The following STAMBP variants were observed in gnomAD, a reference collection of about 807,000 sequenced individuals.
The protein encoded by STAMBP is STAM-binding protein.
A neutral mutation model predicts 50.7 loss-of-function variants in STAMBP; 31 were observed. That is an observed-to-expected ratio of 0.61 (90% CI 0.46 to 0.83). The LOEUF (loss-of-function observed/expected upper bound fraction) is 0.83. Ranked by LOEUF, STAMBP falls within the 40% of genes least tolerant of loss-of-function variation. The pLI is 0.00. For missense variants in STAMBP, 472 were observed against 518.9 expected (o/e 0.91, Z 0.88); for synonymous variants, 211 against 192.4 (o/e 1.10, Z -0.80).
intron 3 of STAMBP, 61 bp downstream of exon 3, chr2:73,844,949 A>T: frequency 6.3e-7 from 1 of 1,583,924 alleles, no homozygotes; most frequent in East Asian, 2.3e-5. Flanking sequence ...GACTGACTTC[A>T]AGATAAAAGT....
At chr2:73,849,856 C>T (rs897802356) in intron 6 of STAMBP, among the ~76,000 whole-genome samples, 3 of 152,144 alleles carry the variant, frequency 2.0e-5, no homozygotes, top group African/African-American at 4.8e-5. Flanking sequence ...GGCAGACATG[C>T]ACTAAAGTCT....
chr2:73,854,550 A>G (rs2104609291), intron 7 of STAMBP, among the ~76,000 whole-genome samples: 1 of 152,318 alleles, frequency 6.6e-6, no homozygotes, highest in South Asian at 2.1e-4. Flanking sequence ...ATCATACTGC[A>G]CTACAGCCTT....
At chr2:73,834,355 A>G (rs928023458) in intron 2 of STAMBP, among the ~76,000 whole-genome samples, 2 of 144,366 alleles carry the variant, frequency 1.4e-5, no homozygotes, top group Middle Eastern at 3.6e-3. Flanking sequence ...TATTGATAAC[A>G]TGGTCAGTTA....
intron 7 of STAMBP, among the ~76,000 whole-genome samples, chr2:73,856,855 T>A (rs1677613222): frequency 6.6e-6 from 1 of 152,208 alleles, no homozygotes; most frequent in African/African-American, 2.4e-5. Flanking sequence ...GGTATGTGCC[T>A]GAAGGAGGTC....
downstream of STAMBP, among the ~76,000 whole-genome samples, chr2:73,871,325 C>T (rs989385492): frequency 2.6e-5 from 4 of 151,906 alleles, no homozygotes; most frequent in African/African-American, 9.7e-5. Flanking sequence ...GGGTGGATCA[C>T]CAGAGATCAG....
In STAMBP at chr2:73,831,066, C is replaced by T; in HGVS notation, c.203+7C>T. The stretch of plus-strand genomic sequence containing the variant: ...TCTATAACAAGTATATCACGTAAGA[C>T]ACCTACAGTTTCCTTTTTCCTTTCT... On this transcript the variant is annotated splice_region_variant and intron_variant, in intron 2 of 9. Coordinates refer to ENST00000394070, the MANE Select transcript of STAMBP (RefSeq NM_213622.4). 1 of 1,612,462 alleles carries T rather than the reference C, an allele frequency of 6.2e-7. No individual in the cohort carries two copies. Among genetic ancestry groups the T allele is most frequent in the Non-Finnish European group, 8.5e-7 (1 of 1,178,454 alleles).
In STAMBP at chr2:73,862,359, T is replaced by A; in HGVS notation, c.*100T>A. ...AGAAAGCTTTGGAAGTTTTTGTAGA[T>A]AGTAGAAAGGGGGGCATCACCTGAG... is the stretch of plus-strand genomic sequence containing the variant. On this transcript the variant is annotated 3_prime_UTR_variant, in exon 10 of 10. Coordinates refer to ENST00000394070, the MANE Select transcript of STAMBP (RefSeq NM_213622.4). 1 of 1,015,978 alleles carries A rather than the reference T, an allele frequency of 9.8e-7. No homozygotes were observed. Among genetic ancestry groups the A allele is most frequent in the Non-Finnish European group, 1.4e-6 (1 of 712,580 alleles). The allele number at this position is 1,015,978 out of a possible 1,614,324, so 62.9% of individuals were successfully genotyped here. A position where few individuals can be genotyped will look rare whatever the true frequency, so the allele number is the denominator to read the frequency against.
At chr2:73,856,225 C>T (rs1231065438) in intron 7 of STAMBP, among the ~76,000 whole-genome samples, 2 of 152,234 alleles carry the variant, frequency 1.3e-5, no homozygotes, top group East Asian at 3.8e-4. Flanking sequence ...AACTGAAATT[C>T]AAGTATTCCC....
chr2:73,849,270 C>T, intron 5 of STAMBP, 93 bp from the exon 6 acceptor site: 1 of 1,592,504 alleles, frequency 6.3e-7, no homozygotes, highest in Non-Finnish European at 8.6e-7. Context: ...ATCCCAGTGG[C>T]TTAATGTTGC....
In STAMBP at chr2:73,866,179, C is replaced by G. The variant is rs1678871705; in HGVS notation, c.*3920C>G. ...TTTGAGATTAGAAGCTGGGCCTTAACTTACAGGTGTGTCCGGCATCATTCA... is the reference window on the plus strand; with the variant it reads ...TTTGAGATTAGAAGCTGGGCCTTAAGTTACAGGTGTGTCCGGCATCATTCA... On this transcript the variant is annotated 3_prime_UTR_variant, in exon 10 of 10. Coordinates refer to ENST00000394070, the MANE Select transcript of STAMBP (RefSeq NM_213622.4). 6.6e-6 allele frequency: 1 copy of G among 152,232 alleles called. No homozygotes were observed. Among genetic ancestry groups the G allele is most frequent in the Non-Finnish European group, 1.5e-5 (1 of 68,064 alleles). 9.4% of individuals were successfully genotyped at this position (152,232 alleles called of 1,614,324 possible).
At chr2:73,860,519 A>G (rs1208954541) in intron 9 of STAMBP, 22 of 991,754 alleles carry the variant, frequency 2.2e-5, no homozygotes, top group Non-Finnish European at 2.5e-5. Context: ...CCTTTCATCA[A>G]TGTCTCTTTC....
At position 73,829,126 on chromosome 2, in the gene STAMBP, C is replaced by G. The variant is rs980515161; in HGVS notation, c.-397C>G. 1 of 152,330 alleles carries G rather than the reference C, an allele frequency of 6.6e-6. No individual in the cohort carries two copies. The highest frequency in any genetic ancestry group is 2.4e-5 in the African/African-American group (1 of 41,462). 9.4% of individuals were successfully genotyped at this position (152,330 alleles called of 1,614,324 possible). On this transcript the variant is annotated 5_prime_UTR_variant, in exon 1 of 10. Coordinates refer to ENST00000394070, the MANE Select transcript of STAMBP (RefSeq NM_213622.4). ...CGAGTCCCCTGCCCGGCCTGCCTCG[C>G]TCGAGGCACCCGACGGCTTCTGTCT... is the stretch of plus-strand genomic sequence containing the variant.
Position 73,835,369 on chromosome 2 carries a change from AAAG to A in STAMBP, c.203+4312_203+4314del, listed in dbSNP as rs1286220683. On this transcript the variant is annotated intron_variant, in intron 2 of 9. Coordinates refer to ENST00000394070, the MANE Select transcript of STAMBP (RefSeq NM_213622.4). ...ACTCGGTCTCAAAAAAAAAAAAAAA[AAAG>A]AGATGTCACTAATGTTGCCCAGGCT... Among the ~76,000 whole-genome samples, 6 of 151,904 alleles carry A rather than the reference AAAG, an allele frequency of 3.9e-5. No homozygotes were observed. The East Asian group carries it at 5.8e-4, about 15-fold the overall frequency.
In STAMBP at chr2:73,847,525, C is replaced by G; in HGVS notation, c.514C>G (p.Gln172Glu). 2 of 1,614,126 alleles carry G rather than the reference C, an allele frequency of 1.2e-6. No homozygotes were observed. The highest frequency in any genetic ancestry group is 1.7e-6 in the Non-Finnish European group (2 of 1,180,024). Reference sequence around the variant, plus strand: ...TGCCTTCGAGGAGATGATCCGGAACCAGGAGCTAGAAAAAGAGCGACTGAA... The same window carrying G: ...TGCCTTCGAGGAGATGATCCGGAACGAGGAGCTAGAAAAAGAGCGACTGAA... ...FHAFEEMIRN[Q>E]ELEKERLKIV... Residue 172 changes from glutamine to glutamate, a missense_variant, in exon 5 of 10, where the codon CAG becomes GAG. By Grantham distance (29) the Gln-to-Glu change is conservative. Transcript: ENST00000394070.
intron 5 of STAMBP, 21 bp from the exon 6 acceptor site, chr2:73,849,342 A>G (rs761799067): frequency 1.1e-5 from 18 of 1,612,856 alleles, no homozygotes; most frequent in Non-Finnish European, 1.5e-5. Context: ...GTCGCAGACT[A>G]TTCTCCTTTC....
At chr2:73,839,821 C>T (rs1046693514) in intron 2 of STAMBP, among the ~76,000 whole-genome samples, 8 of 152,272 alleles carry the variant, frequency 5.3e-5, no homozygotes, top group South Asian at 2.1e-4. Flanking sequence ...GATCTTACCA[C>T]GTATTCTGTT....
At chr2:73,833,461 C>T (rs1005932738) in intron 2 of STAMBP, among the ~76,000 whole-genome samples, 2 of 152,150 alleles carry the variant, frequency 1.3e-5, no homozygotes, top group Non-Finnish European at 2.9e-5. Flanking sequence ...TTCCTAGGCA[C>T]ACTATTTATT....
At chr2:73,858,407 G>A (rs1442364688) in intron 7 of STAMBP, among the ~76,000 whole-genome samples, 1 of 151,972 alleles carries the variant, frequency 6.6e-6, no homozygotes, top group Non-Finnish European at 1.5e-5. Context: ...CCAAAGTGCT[G>A]GGGGTTACGG....
chr2:73,830,927 C>A lies in STAMBP; in HGVS notation c.71C>A (p.Ala24Glu). 1.2e-6 allele frequency: 2 copies of A among 1,614,048 alleles called. No individual in the cohort carries two copies. The highest frequency in any genetic ancestry group is 1.7e-6 in the Non-Finnish European group (2 of 1,180,020). The stretch of plus-strand genomic sequence containing the variant: ...AGGGCTCTCTCCCAGCTGGGTAGTG[C>A]GGTAGAGGTGAATGAAGACATTCCA... Reference protein sequence around the residue: ...RVRALSQLGSAVEVNEDIPPR... With the variant: ...RVRALSQLGSEVEVNEDIPPR... Residue 24 changes from alanine (A) to glutamate (E), a missense_variant, in exon 2 of 10, where the codon GCG becomes GAG. Transcript: ENST00000394070.
Sources: gnomAD v4.1 joint callset for allele counts (sites outside exome capture counted in the v4.1 genomes callset) on GRCh38, gnomAD v4.1.1 for gene constraint, MANE v1.5 for transcripts, NCBI Gene and HGNC (gene_info 2026-07-23, HGNC 2026-07-21) for gene names.